The following CHN2 variants were observed in gnomAD, a reference collection of about 807,000 sequenced individuals.
The protein encoded by CHN2 is chimerin 2, also known as beta-chimaerin.
A neutral mutation model predicts 56.3 loss-of-function variants in CHN2; 35 were observed. The observed-to-expected ratio is 0.62, with a 90% CI of 0.47 to 0.82. CHN2 has a LOEUF of 0.82. Ranked by LOEUF, CHN2 falls within the 40% of genes least tolerant of loss-of-function variation. The probability of loss-of-function intolerance (pLI) is 0.00; values close to 1 mark genes in which losing one functional copy is unlikely to be tolerated. For missense variants in CHN2, 491 were observed against 580.5 expected (o/e 0.85, Z 1.58); for synonymous variants, 210 against 212.8 (o/e 0.99, Z 0.12).
At chr7:29,211,450 G>GCACACA (rs148200755) in intron 1 of CHN2, among the ~76,000 whole-genome samples, 2,298 of 138,400 alleles carry the variant, frequency 0.017, 27 homozygotes, top group Admixed American at 0.032. Flanking sequence ...CTGCATGTTG[G>GCACACA]CACACACACA....
chr7:29,220,780 A>G (rs1487028397), intron 1 of CHN2, among the ~76,000 whole-genome samples: 1 of 152,190 alleles, frequency 6.6e-6, no homozygotes, highest in Non-Finnish European at 1.5e-5. Context: ...AAAAAGATAA[A>G]ACATTTCTTA....
chr7:29,382,498 G>A (rs987086824), intron 3 of CHN2, among the ~76,000 whole-genome samples: 14 of 152,210 alleles, frequency 9.2e-5, no homozygotes, highest in African/African-American at 1.7e-4. Context: ...TGAAATTTCA[G>A]TGAGCCCCAG....
At chr7:29,306,388 CT>C (rs1339587823) in intron 1 of CHN2, among the ~76,000 whole-genome samples, 1 of 152,318 alleles carries the variant, frequency 6.6e-6, no homozygotes, top group East Asian at 1.9e-4. Context: ...GAGGAACGCA[CT>C]GATTGAGTTG....
At position 29,504,883 on chromosome 7, in the gene CHN2, G is replaced by A; in HGVS notation, c.991+62G>A. The A allele has an allele frequency of 4.2e-6, 5 of 1,182,006 alleles. No homozygotes were observed. In the Admixed American group the frequency reaches 7.5e-5, roughly 18 times the overall value. The allele number at this position is 1,182,006 out of a possible 1,614,324, so 73.2% of individuals were successfully genotyped here. A position where few individuals can be genotyped will look rare whatever the true frequency, so the allele number is the denominator to read the frequency against. ...TAACACCCTTCTCGATTGGAAGTAG[G>A]TTTTAATCATAGTAGAAATGGGGTT... On this transcript the variant is annotated intron_variant, in intron 10 of 12. Coordinates refer to ENST00000222792, the MANE Select transcript of CHN2 (RefSeq NM_004067.4).
intron 1 of CHN2, among the ~76,000 whole-genome samples, chr7:29,223,626 G>T (rs1391433636): frequency 6.6e-6 from 1 of 151,968 alleles, no homozygotes; most frequent in Non-Finnish European, 1.5e-5. Flanking sequence ...TGCTGTAGGG[G>T]ATTCCAATTT....
At chr7:29,410,187 T>C (rs1266510498) in intron 6 of CHN2, among the ~76,000 whole-genome samples, 2 of 152,214 alleles carry the variant, frequency 1.3e-5, no homozygotes, top group Admixed American at 6.5e-5. Flanking sequence ...TGGAAGAAAA[T>C]TTTTATAATG....
intron 6 of CHN2, chr7:29,445,258 G>T (rs1272205246): frequency 2.4e-6 from 1 of 421,010 alleles, no homozygotes; most frequent in East Asian, 7.5e-5. Context: ...CTCCTAGCCA[G>T]ACTTAAGGGA....
intron 6 of CHN2, among the ~76,000 whole-genome samples, chr7:29,477,758 G>C (rs1350392489): frequency 9.9e-5 from 15 of 152,248 alleles, no homozygotes; most frequent in Admixed American, 9.8e-4. Context: ...ACCCCTGGAG[G>C]GAACCTTGTC....
chr7:29,180,125 T>C (rs964953848), intron 2 of CHN2, among the ~76,000 whole-genome samples: 1 of 152,240 alleles, frequency 6.6e-6, no homozygotes, highest in Non-Finnish European at 1.5e-5. Flanking sequence ...GAAGTCAATC[T>C]GTTCCCCAAT....
intron 3 of CHN2, among the ~76,000 whole-genome samples, chr7:29,375,065 T>G (rs1348216442): frequency 6.6e-6 from 1 of 151,422 alleles, no homozygotes; most frequent in Non-Finnish European, 1.5e-5. Context: ...ATTTTTTGTA[T>G]TTTTAGTAGA....
chr7:29,365,822 C>A (rs1351009281), intron 2 of CHN2, among the ~76,000 whole-genome samples: 2 of 152,132 alleles, frequency 1.3e-5, no homozygotes, highest in Non-Finnish European at 2.9e-5. Context: ...GTGACATGGT[C>A]TGATTGATAT....
chr7:29,250,003 C>T (rs1176013120), intron 1 of CHN2, among the ~76,000 whole-genome samples: 1 of 152,206 alleles, frequency 6.6e-6, no homozygotes, highest in Non-Finnish European at 1.5e-5. Context: ...CTGAATATAT[C>T]TGCATTGCCA....
intron 3 of CHN2, among the ~76,000 whole-genome samples, chr7:29,387,302 G>A (rs988758164): frequency 6.6e-6 from 1 of 152,180 alleles, no homozygotes; most frequent in African/African-American, 2.4e-5. Context: ...ACTGAAAATT[G>A]AGAAAAATGA....
chr7:29,160,939 G>A (rs947150207), intron 2 of CHN2, among the ~76,000 whole-genome samples: 4 of 152,094 alleles, frequency 2.6e-5, no homozygotes, highest in Admixed American at 6.5e-5. Flanking sequence ...TGTCACCCCT[G>A]AGATAATATT....
At chr7:29,149,983 T>C (rs540290321) in intron 2 of CHN2, among the ~76,000 whole-genome samples, 67 of 152,366 alleles carry the variant, frequency 4.4e-4, no homozygotes, top group African/African-American at 1.6e-3. Flanking sequence ...GCAATAGATA[T>C]TTTTAGCCCT....
upstream of CHN2, chr7:29,192,232 T>C (rs1245797131): frequency 6.6e-6 from 1 of 152,308 alleles, no homozygotes. Context: ...GAGTCTCAGC[T>C]TTTTTCTACT....
At chr7:29,387,751 G>A (rs966312955) in intron 3 of CHN2, among the ~76,000 whole-genome samples, 2 of 152,180 alleles carry the variant, frequency 1.3e-5, no homozygotes, top group Non-Finnish European at 2.9e-5. Context: ...TTCCCTGAGG[G>A]TTTAGCCCTT....
intron 3 of CHN2, among the ~76,000 whole-genome samples, chr7:29,386,211 C>T (rs1469602533): frequency 6.6e-6 from 1 of 152,158 alleles, no homozygotes; most frequent in Non-Finnish European, 1.5e-5. Flanking sequence ...GTGTAAATTT[C>T]AGTACTTGCA....
chr7:29,437,908 A>C (rs867576300), intron 6 of CHN2, among the ~76,000 whole-genome samples: 2 of 152,222 alleles, frequency 1.3e-5, no homozygotes, highest in East Asian at 3.9e-4. Flanking sequence ...TGTCAAGGTC[A>C]GTAAGAATGG....
Sources: allele counts gnomAD v4.1 joint callset (sites outside exome capture counted in the v4.1 genomes callset), GRCh38; gene constraint gnomAD v4.1.1; transcripts MANE v1.5; gene names NCBI Gene and HGNC (gene_info 2026-07-23, HGNC 2026-07-21).